The following NUGGC variants were observed in gnomAD, a reference collection of about 807,000 sequenced individuals.
The protein encoded by NUGGC is nuclear GTPase, germinal center associated.
Under a neutral mutation model 92.6 loss-of-function variants are expected in NUGGC, and 58 were observed. The ratio of observed to expected loss-of-function variants is 0.63; its 90% CI spans 0.51 to 0.78. The LOEUF is 0.78. NUGGC is among the 30% of genes least tolerant of loss of function. The pLI, the probability that NUGGC is intolerant of heterozygous loss-of-function variation, is 0.00. For synonymous variants in NUGGC, 376 were observed against 366.4 expected, an observed-to-expected ratio of 1.03 and a Z score of -0.30; for missense variants, 925 against 964.6, an observed-to-expected ratio of 0.96 and a Z score of 0.54.
chr8:28,060,998 C>T lies in NUGGC; in HGVS notation c.922-397G>A, dbSNP rs80130178. Reference sequence around the variant, plus strand: ...CTTGGGATCCACCTCACCTCAAGCCCAGTGCTTGGCACACAGGAGAGGCTT... The same window carrying T: ...CTTGGGATCCACCTCACCTCAAGCCTAGTGCTTGGCACACAGGAGAGGCTT... On this transcript the variant is annotated intron_variant, in intron 7 of 18. Transcript: ENST00000413272. Among the ~76,000 whole-genome samples, 863 of 152,320 alleles carry T rather than the reference C, an allele frequency of 5.7e-3. 35 individuals carry two copies. In the East Asian group the frequency reaches 0.12, roughly 21 times the overall value.
chr8:28,075,973 C>T (rs1018834177), intron 1 of NUGGC, among the ~76,000 whole-genome samples: 4 of 152,184 alleles, frequency 2.6e-5, no homozygotes, highest in Admixed American at 1.3e-4. Context: ...CCCTTCTTCT[C>T]GCAGGTGAAT....
rs1810627091 is a variant in NUGGC at position 28,073,002 on chromosome 8, GA to G, written c.43+1365del. On this transcript the variant is annotated intron_variant, in intron 2 of 18. Transcript: ENST00000413272. ...AGATGCGGTTTCATTGTTGACTGTT[GA>G]AATTTTTTTTTTTTTTTTGAGACGA... 3.2e-5 allele frequency among the ~76,000 whole-genome samples: 4 copies of G among 123,488 alleles called. No homozygotes were observed. In the South Asian group the frequency reaches 1.4e-3, roughly 43 times the overall value. The allele number at this position is 123,488 out of a possible 152,430, so 81.0% of individuals were successfully genotyped here.
chr8:28,040,347 C>T (rs2130118381), intron 13 of NUGGC, among the ~76,000 whole-genome samples: 1 of 152,318 alleles, frequency 6.6e-6, no homozygotes, highest in African/African-American at 2.4e-5. Flanking sequence ...ATTGTGTAAG[C>T]TCATTGATAC....
intron 1 of NUGGC, among the ~76,000 whole-genome samples, chr8:28,075,071 G>C (rs1168107252): frequency 6.6e-6 from 1 of 152,236 alleles, no homozygotes; most frequent in African/African-American, 2.4e-5. Context: ...GGTGGCATCA[G>C]TGCTCCACTG....
At chr8:28,079,861 A>G in intron 1 of NUGGC, among the ~76,000 whole-genome samples, 1 of 152,226 alleles carries the variant, frequency 6.6e-6, no homozygotes, top group East Asian at 1.9e-4. Context: ...ATAGAATTGT[A>G]TGCAGGAACT....
intron 18 of NUGGC, among the ~76,000 whole-genome samples, chr8:28,025,874 C>G (rs952485684): frequency 6.6e-6 from 1 of 152,204 alleles, no homozygotes; most frequent in South Asian, 2.1e-4. Flanking sequence ...GGGTGCAGAG[C>G]AAGGCTCCCA....
chr8:28,036,297 C>A (rs1809552755), intron 13 of NUGGC, among the ~76,000 whole-genome samples: 1 of 152,170 alleles, frequency 6.6e-6, no homozygotes, highest in Non-Finnish European at 1.5e-5. Context: ...ACCTCTCAGG[C>A]TTTTCCTTCT....
Position 28,070,420 on chromosome 8 carries a change from C to G in NUGGC, c.44-64G>C, listed in dbSNP as rs1810559735. 4 of 844,650 alleles carry G rather than the reference C, an allele frequency of 4.7e-6. 1 individual carries two copies. In the South Asian group the frequency reaches 6.1e-5, roughly 13 times the overall value. The allele number at this position is 844,650 out of a possible 1,614,324, so 52.3% of individuals were successfully genotyped here. On this transcript the variant is annotated intron_variant, in intron 2 of 18. Transcript: ENST00000413272. ...GGGGTATGGTATTCTTGCCTCACCT[C>G]TATCAGCATAGAAACTCAAAGGGTC...
intron 12 of NUGGC, among the ~76,000 whole-genome samples, chr8:28,042,124 G>C (rs1194540994): frequency 6.6e-6 from 1 of 152,100 alleles, no homozygotes; most frequent in Admixed American, 6.5e-5. Flanking sequence ...TGCCCACAAT[G>C]ATTGTGAGGC....
intron 16 of NUGGC, 127 bp downstream of exon 16, chr8:28,030,183 C>G: frequency 1.6e-6 from 1 of 640,640 alleles, no homozygotes; most frequent in Non-Finnish European, 2.9e-6. Context: ...AATGTGTGGA[C>G]TGAGAGTGCT....
At chr8:28,031,184 G>A (rs777668889) in intron 15 of NUGGC, 59 bp downstream of exon 15, 63 of 1,594,224 alleles carry the variant, frequency 4.0e-5, no homozygotes, top group Admixed American at 6.7e-5. Context: ...CTACAAAACT[G>A]GCCTGGGAAG....
intron 17 of NUGGC, among the ~76,000 whole-genome samples, 152 bp downstream of exon 17, chr8:28,029,114 T>C (rs1809345015): frequency 6.6e-6 from 1 of 152,122 alleles, no homozygotes; most frequent in Non-Finnish European, 1.5e-5. Flanking sequence ...CAAGAGAGTG[T>C]TGGAAGACTG....
At position 28,047,524 on chromosome 8, in the gene NUGGC, A is replaced by C. The variant is rs1365909089; in HGVS notation, c.1295T>G (p.Leu432Arg). Residue 432 changes from leucine (L) to arginine (R), a missense_variant, in exon 11 of 19, where the codon CTC becomes CGC. By Grantham distance (102) the Leu-to-Arg change is moderately radical. Transcript: ENST00000413272. ...SAQEYWQQAL[L>R]TEEETEIPKL... ...TAAATTACCCGTTTCCTCCTCGGTG[A>C]GGAGAGCCTGCTGCCAGTACTCCTG... is the stretch of plus-strand genomic sequence containing the variant. 1 of 1,558,926 alleles carries C rather than the reference A, an allele frequency of 6.4e-7. No homozygotes were observed. The highest frequency in any genetic ancestry group is 8.7e-7 in the Non-Finnish European group (1 of 1,149,114).
chr8:28,060,138 G>A (rs1810260030), intron 8 of NUGGC: 1 of 536,730 alleles, frequency 1.9e-6, no homozygotes, highest in Non-Finnish European at 3.5e-6. Flanking sequence ...ACACAGTGCA[G>A]GAGGTACACC....
At chr8:28,071,814 T>C (rs150716531) in intron 2 of NUGGC, among the ~76,000 whole-genome samples, 55 of 152,236 alleles carry the variant, frequency 3.6e-4, no homozygotes, top group African/African-American at 1.3e-3. Flanking sequence ...GGCCTGCACC[T>C]TAGAAAATGG....
rs555039125 is a variant in NUGGC, at chr8:28,040,190, A to G, written c.1611+861T>C. On this transcript the variant is annotated intron_variant, in intron 13 of 18. Coordinates refer to ENST00000413272, the MANE Select transcript of NUGGC (RefSeq NM_001010906.2). ...TTTGTTATGGCAGCCCAAGCAGACT[A>G]ATACAATAGGCCTCTTTTTTCACCC... Among the ~76,000 whole-genome samples the G allele has an allele frequency of 1.1e-4, 16 of 152,288 alleles. No individual in the cohort carries two copies. The East Asian group carries it at 3.1e-3, about 29-fold the overall frequency.
chr8:28,041,702 A>G (rs1056509270), intron 12 of NUGGC, among the ~76,000 whole-genome samples: 1 of 152,236 alleles, frequency 6.6e-6, no homozygotes, highest in African/African-American at 2.4e-5. Flanking sequence ...GGGATTCTGC[A>G]TTTCTAGCCA....
At chr8:28,045,803 C>A in intron 11 of NUGGC, 143 bp from the exon 12 acceptor site, 2 of 766,218 alleles carry the variant, frequency 2.6e-6, no homozygotes, top group South Asian at 1.9e-5. Flanking sequence ...ACAGAACCAA[C>A]CTTTCTGAAA....
intron 7 of NUGGC, among the ~76,000 whole-genome samples, chr8:28,061,724 G>A (rs987079487): frequency 3.9e-5 from 6 of 152,108 alleles, no homozygotes; most frequent in Non-Finnish European, 8.8e-5. Flanking sequence ...CAATTCTATG[G>A]TACATCAATG....
Sources: gnomAD v4.1 joint callset for allele counts (sites outside exome capture counted in the v4.1 genomes callset) on GRCh38, gnomAD v4.1.1 for gene constraint, MANE v1.5 for transcripts, NCBI Gene and HGNC (gene_info 2026-07-23, HGNC 2026-07-21) for gene names.